The following DNAJC16 variants were observed in gnomAD, a reference collection of about 807,000 sequenced individuals.
DNAJC16 encodes the protein DnaJ heat shock protein family (Hsp40) member C16.
In DNAJC16, 76 loss-of-function variants were observed where a neutral mutation model predicts 92.7. That is an observed-to-expected ratio of 0.82 (90% CI 0.68 to 0.99). The LOEUF (loss-of-function observed/expected upper bound fraction) is 0.99. Among genes scored for constraint, DNAJC16 ranks in the 50% least tolerant of loss-of-function variants. DNAJC16 has a pLI of 0.00. For missense variants in DNAJC16, 869 were observed against 942.4 expected (o/e 0.92, Z 1.02); for synonymous variants, 328 against 358.7 (o/e 0.91, Z 0.97).
chr1:15,567,233 T>G lies in DNAJC16; in HGVS notation c.1913T>G (p.Leu638Arg). 6.2e-7 allele frequency: 1 copy of G among 1,613,960 alleles called. No homozygotes were observed. Among genetic ancestry groups the G allele is most frequent in the Non-Finnish European group, 8.5e-7 (1 of 1,179,904 alleles). Reference protein sequence around the residue: ...ILSNSTKTSLLQKFALEVYTF... With the variant: ...ILSNSTKTSLRQKFALEVYTF... Reference sequence around the variant, plus strand: ...TCGAATTCTACCAAGACCAGCCTACTACAGAAATTTGCTTTGGAGGTCTAC... The same window carrying G: ...TCGAATTCTACCAAGACCAGCCTACGACAGAAATTTGCTTTGGAGGTCTAC... The change falls in exon 14 of 15, where the codon CTA (leucine) becomes CGA (arginine). Residue 638 changes from leucine to arginine, a missense_variant. Physicochemically the swap from Leu to Arg is moderately radical, Grantham distance 102. Coordinates refer to ENST00000375847, the MANE Select transcript of DNAJC16 (RefSeq NM_015291.4).
At chr1:15,529,770 T>C (rs1710611663) in intron 2 of DNAJC16, among the ~76,000 whole-genome samples, 1 of 152,150 alleles carries the variant, frequency 6.6e-6, no homozygotes, top group South Asian at 2.1e-4. Context: ...TGTCTCTTGA[T>C]ATCCATGAGG....
chr1:15,547,790 A>G (rs1455300106), intron 6 of DNAJC16, among the ~76,000 whole-genome samples: 1 of 152,084 alleles, frequency 6.6e-6, no homozygotes, highest in African/African-American at 2.4e-5. Context: ...GAGCAGTCAT[A>G]TAACCCACCC....
chr1:15,537,730 G>A (rs1710827472), intron 4 of DNAJC16, among the ~76,000 whole-genome samples: 1 of 152,162 alleles, frequency 6.6e-6, no homozygotes, highest in African/African-American at 2.4e-5. Flanking sequence ...CTCAATGAAG[G>A]AGAGACTATT....
chr1:15,566,307 G>A, intron 13 of DNAJC16, 127 bp downstream of exon 13: 1 of 754,220 alleles, frequency 1.3e-6, no homozygotes, highest in Non-Finnish European at 2.1e-6. Flanking sequence ...CATGTAAACT[G>A]TGGCTACAGG....
chr1:15,543,705 T>G (rs944479544), intron 4 of DNAJC16, among the ~76,000 whole-genome samples: 7 of 152,136 alleles, frequency 4.6e-5, no homozygotes, highest in Non-Finnish European at 8.8e-5. Context: ...GCAGGAGAGA[T>G]AATGATGACT....
chr1:15,531,172 G>T (rs896285694), intron 2 of DNAJC16, among the ~76,000 whole-genome samples: 1 of 152,182 alleles, frequency 6.6e-6, no homozygotes. Flanking sequence ...AGCTGAATGC[G>T]AGTAGGAAGT....
At chr1:15,544,162 A>ACACACACACACACACACGCG (rs1213005767) in intron 4 of DNAJC16, among the ~76,000 whole-genome samples, 6 of 150,516 alleles carry the variant, frequency 4.0e-5, no homozygotes, top group African/African-American at 1.5e-4. Context: ...ACACACACAC[A>ACACACACACACACACACGCG]CACACACACA....
chr1:15,563,663 TAAAAAA>T (rs57751838), intron 9 of DNAJC16, among the ~76,000 whole-genome samples: 3 of 53,182 alleles, frequency 5.6e-5, no homozygotes, highest in African/African-American at 7.4e-5. Flanking sequence ...CCATCTCTAC[TAAAAAA>T]AAAAAAAAAA....
intron 5 of DNAJC16, among the ~76,000 whole-genome samples, chr1:15,545,439 A>G (rs1638277873): frequency 6.6e-6 from 1 of 152,232 alleles, no homozygotes; most frequent in South Asian, 2.1e-4. Flanking sequence ...AAACATTTAC[A>G]TAAAATATCT....
At position 15,529,133 on chromosome 1, in the gene DNAJC16, T is replaced by A. The variant is rs767079732; in HGVS notation, c.28T>A (p.Trp10Arg). 1 of 1,613,992 alleles carries A rather than the reference T, an allele frequency of 6.2e-7. No individual in the cohort carries two copies. Among genetic ancestry groups the A allele is most frequent in the Non-Finnish European group, 8.5e-7 (1 of 1,179,954 alleles). MEVRKLSIS[W>R]QFLIVLVLIL... ...GGAAGTGAGAAAGTTGAGCATTTCC[T>A]GGCAGTTCTTGATAGTTCTGGTTCT... The change falls in exon 2 of 15, where the codon TGG (tryptophan) becomes AGG (arginine). Residue 10 changes from tryptophan to arginine, a missense_variant. Physicochemically the swap from Trp to Arg is moderately radical, Grantham distance 101. Coordinates refer to ENST00000375847, the MANE Select transcript of DNAJC16 (RefSeq NM_015291.4).
rs551703587 is a variant in DNAJC16, at chr1:15,563,629, C to A, written c.1339-300C>A. On this transcript the variant is annotated intron_variant, in intron 9 of 14. Transcript: ENST00000375847. ...GATCACGAGGTCAGGAGATCGAGAC[C>A]ATCCTGGCTAGCATGGTGAAACCCC... Among the ~76,000 whole-genome samples the A allele has an allele frequency of 6.9e-4, 98 of 142,290 alleles. 1 individual carries two copies. Among genetic ancestry groups the A allele is most frequent in the African/African-American group, 2.4e-3 (92 of 37,640 alleles). The allele number at this position is 142,290 out of a possible 152,430, so 93.3% of individuals were successfully genotyped here. A position where few individuals can be genotyped will look rare whatever the true frequency, so the allele number is the denominator to read the frequency against.
At chr1:15,544,631 A>T in intron 5 of DNAJC16, 48 bp downstream of exon 5, 1 of 1,580,908 alleles carries the variant, frequency 6.3e-7, no homozygotes, top group Non-Finnish European at 8.6e-7. Context: ...TTTAAGAGGT[A>T]CCTAGGACTG....
chr1:15,555,033 CTT>C (rs35798505), intron 7 of DNAJC16, among the ~76,000 whole-genome samples: 13 of 121,934 alleles, frequency 1.1e-4, no homozygotes, highest in African/African-American at 1.7e-4. Context: ...TATTAAAAAG[CTT>C]TTTTTTTTTT....
At chr1:15,528,742 T>C (rs1710582219) in intron 1 of DNAJC16, among the ~76,000 whole-genome samples, 2 of 152,244 alleles carry the variant, frequency 1.3e-5, no homozygotes, top group Non-Finnish European at 2.9e-5. Context: ...AATCATGTAT[T>C]TGAGAGGTAG....
At chr1:15,541,624 C>G (rs1381059484) in intron 4 of DNAJC16, among the ~76,000 whole-genome samples, 2 of 152,140 alleles carry the variant, frequency 1.3e-5, no homozygotes, top group Non-Finnish European at 2.9e-5. Flanking sequence ...TTTGGGATCC[C>G]TGCCATTTAC....
chr1:15,556,289 C>CA (rs1638570981), intron 7 of DNAJC16, among the ~76,000 whole-genome samples: 1 of 152,002 alleles, frequency 6.6e-6, no homozygotes, highest in Non-Finnish European at 1.5e-5. Context: ...GGCTGGAGTG[C>CA]AATGGCCTGA....
chr1:15,561,282 T>C (rs1288413106), intron 8 of DNAJC16, among the ~76,000 whole-genome samples: 4 of 152,186 alleles, frequency 2.6e-5, no homozygotes, highest in Admixed American at 6.5e-5. Flanking sequence ...AAACTTTCCA[T>C]TGGAACCTTG....
At chr1:15,539,617 T>C (rs1188052089) in intron 4 of DNAJC16, among the ~76,000 whole-genome samples, 2 of 151,916 alleles carry the variant, frequency 1.3e-5, no homozygotes, top group Non-Finnish European at 2.9e-5. Flanking sequence ...TAATCATGGC[T>C]CACTGCAACC....
chr1:15,568,898 C>G lies in DNAJC16; in HGVS notation c.*721C>G. 2.5e-6 allele frequency: 1 copy of G among 392,876 alleles called. No homozygotes were observed. The highest frequency in any genetic ancestry group is 4.5e-6 in the Non-Finnish European group (1 of 222,484). The allele number at this position is 392,876 out of a possible 1,614,324, so 24.3% of individuals were successfully genotyped here. A position where few individuals can be genotyped will look rare whatever the true frequency, so the allele number is the denominator to read the frequency against. Reference sequence around the variant, plus strand: ...CACGCTGTGAGCATCCCATCCGCCGCCCCAGCGCTGCTGGTAGCCAGGGGA... The same window carrying G: ...CACGCTGTGAGCATCCCATCCGCCGGCCCAGCGCTGCTGGTAGCCAGGGGA... On this transcript the variant is annotated 3_prime_UTR_variant, in exon 15 of 15. Coordinates refer to ENST00000375847, the MANE Select transcript of DNAJC16 (RefSeq NM_015291.4).
Sources: allele counts gnomAD v4.1 joint callset (sites outside exome capture counted in the v4.1 genomes callset), GRCh38; gene constraint gnomAD v4.1.1; transcripts MANE v1.5; gene names NCBI Gene and HGNC (gene_info 2026-07-23, HGNC 2026-07-21).